Variants in KIF13A observed in about 807,000 individuals in gnomAD.
KIF13A encodes kinesin-like protein KIF13A.
In KIF13A, 79 loss-of-function variants were observed where a neutral mutation model predicts 212.2. That is an observed-to-expected ratio of 0.37 (90% CI 0.31 to 0.45). The LOEUF (loss-of-function observed/expected upper bound fraction) is 0.45, where lower values mean the gene tolerates loss of function less well. KIF13A is among the 20% of genes least tolerant of loss of function. KIF13A has a pLI of 1.00. For synonymous variants in KIF13A, 789 were observed against 808.6 expected, an observed-to-expected ratio of 0.98 and a Z score of 0.41; for missense variants, 1,901 against 2,209.0, an observed-to-expected ratio of 0.86 and a Z score of 2.79.
chr6:17,982,451 T>C lies in KIF13A; in HGVS notation c.146+4603A>G. 1 of 984,214 alleles carries C rather than the reference T, an allele frequency of 1.0e-6. No individual in the cohort carries two copies. The highest frequency in any genetic ancestry group is 1.2e-6 in the Non-Finnish European group (1 of 828,890). The allele number at this position is 984,214 out of a possible 1,614,324, so 61.0% of individuals were successfully genotyped here. A position where few individuals can be genotyped will look rare whatever the true frequency, so the allele number is the denominator to read the frequency against. ...GATGTTCAGACAGGGATACCGCTGG[T>C]GAATAAACTAAAAAATACATACAAA... On this transcript the variant is annotated intron_variant, in intron 2 of 38. Transcript: ENST00000259711. This position sits in a 1 kb window ranked among gnomAD's most constrained non-coding sequence, Gnocchi z 5.1.
intron 4 of KIF13A, among the ~76,000 whole-genome samples, chr6:17,858,102 T>C (rs971393799): frequency 1.7e-4 from 23 of 137,096 alleles, no homozygotes; most frequent in Middle Eastern, 3.7e-3. Flanking sequence ...TGTGTGTGTG[T>C]GTGTGTGTGT....
At chr6:17,802,510 G>A (rs1477389059) in intron 20 of KIF13A, among the ~76,000 whole-genome samples, 1 of 151,900 alleles carries the variant, frequency 6.6e-6, no homozygotes, top group Non-Finnish European at 1.5e-5. Context: ...GGCTGGTCTC[G>A]AACACCGGAC....
intron 2 of KIF13A, among the ~76,000 whole-genome samples, chr6:17,927,044 A>T (rs550386297): frequency 2.1e-4 from 32 of 152,082 alleles, no homozygotes; most frequent in African/African-American, 7.2e-4. Flanking sequence ...GGGGGCTGAG[A>T]TGCAAGAATT....
At chr6:17,983,393 C>G (rs1002413822) in intron 2 of KIF13A, among the ~76,000 whole-genome samples, 2 of 151,694 alleles carry the variant, frequency 1.3e-5, no homozygotes, top group Non-Finnish European at 2.9e-5. Flanking sequence ...GTATGTCACC[C>G]TTTTTAGCAA....
chr6:17,959,964 G>A (rs1050089524), intron 2 of KIF13A, among the ~76,000 whole-genome samples: 8 of 151,854 alleles, frequency 5.3e-5, no homozygotes, highest in Admixed American at 3.9e-4. Flanking sequence ...GGAGGTTGTG[G>A]TGAGCCGAGA....
Position 17,971,439 on chromosome 6 carries a change from T to G in KIF13A, c.146+15615A>C, listed in dbSNP as rs1248385190. On this transcript the variant is annotated intron_variant, in intron 2 of 38. Transcript: ENST00000259711. The surrounding 1 kb of genome is among the most constrained non-coding windows in gnomAD (Gnocchi z 4.2). ...GCGGTTTGTTTTTTTCCTTTTTTTT[T>G]GACACAGGGTCTCACTCTGTCGCCC... Among the ~76,000 whole-genome samples, 1 of 152,146 alleles carries G rather than the reference T, an allele frequency of 6.6e-6. No individual in the cohort carries two copies. Among genetic ancestry groups the G allele is most frequent in the Non-Finnish European group, 1.5e-5 (1 of 68,028 alleles).
intron 4 of KIF13A, among the ~76,000 whole-genome samples, chr6:17,857,981 A>G (rs1768301391): frequency 6.6e-6 from 1 of 152,126 alleles, no homozygotes; most frequent in African/African-American, 2.4e-5. Flanking sequence ...CCCAACACCC[A>G]CATCTATGTG....
intron 2 of KIF13A, among the ~76,000 whole-genome samples, chr6:17,908,664 T>C (rs746032639): frequency 2.0e-5 from 3 of 151,646 alleles, no homozygotes; most frequent in Non-Finnish European, 2.9e-5. Flanking sequence ...CTAATCCTGA[T>C]ATGCCTTCTT....
intron 2 of KIF13A, among the ~76,000 whole-genome samples, chr6:17,903,539 G>C (rs983914765): frequency 2.0e-5 from 3 of 152,090 alleles, no homozygotes; most frequent in Non-Finnish European, 4.4e-5. Context: ...TAAGTTTTAC[G>C]TGACTTTTGA....
intron 2 of KIF13A, among the ~76,000 whole-genome samples, chr6:17,936,840 T>A (rs1011186837): frequency 6.6e-6 from 1 of 152,044 alleles, no homozygotes; most frequent in Non-Finnish European, 1.5e-5. Context: ...TTGCATTCCT[T>A]TGAAAAAAAA....
At chr6:17,823,666 C>A (rs567449033) in intron 16 of KIF13A, among the ~76,000 whole-genome samples, 3 of 151,934 alleles carry the variant, frequency 2.0e-5, no homozygotes, top group South Asian at 4.2e-4. Context: ...CAGGGTTTCA[C>A]CACGTTAGCC....
chr6:17,790,774 A>G (rs1459847568), intron 25 of KIF13A, among the ~76,000 whole-genome samples: 3 of 152,216 alleles, frequency 2.0e-5, no homozygotes, highest in Non-Finnish European at 4.4e-5. Context: ...CTATATACAT[A>G]CAAGGGTCTG....
intron 16 of KIF13A, among the ~76,000 whole-genome samples, chr6:17,823,901 C>A (rs909189733): frequency 1.3e-5 from 2 of 148,844 alleles, no homozygotes; most frequent in African/African-American, 5.0e-5. Flanking sequence ...CCATGCCTGG[C>A]GTTTAATTTA....
intron 4 of KIF13A, among the ~76,000 whole-genome samples, chr6:17,859,698 C>T (rs534811827): frequency 1.0e-4 from 15 of 144,444 alleles, no homozygotes; most frequent in East Asian, 8.1e-4. Context: ...TGCAATGGTG[C>T]GATCTCGGCT....
chr6:17,976,526 C>T (rs1780510926), intron 2 of KIF13A, among the ~76,000 whole-genome samples: 1 of 152,192 alleles, frequency 6.6e-6, no homozygotes, highest in Admixed American at 6.5e-5. Context: ...TCCAGCTGGC[C>T]CGCAAGCGCG....
intron 2 of KIF13A, among the ~76,000 whole-genome samples, chr6:17,927,005 G>A (rs958938726): frequency 5.3e-5 from 8 of 151,988 alleles, no homozygotes; most frequent in Admixed American, 3.3e-4. Flanking sequence ...AGGTGTGGTG[G>A]TGCATGTGAC....
Position 17,834,011 on chromosome 6 carries a change from G to T in KIF13A, c.1216C>A (p.Leu406Ile). 1.9e-6 allele frequency: 3 copies of T among 1,604,428 alleles called. No homozygotes were observed. Among genetic ancestry groups the T allele is most frequent in the Non-Finnish European group, 1.7e-6 (2 of 1,177,934 alleles). ...LEESEKLIKE[L>I]TVTWEEKLRK... Reference sequence around the variant, plus strand: ...AGCTTCTCTTCCCAAGTCACTGTTAGTTCTTTTATCAGCTTTTCAGACTCT... The same window carrying T: ...AGCTTCTCTTCCCAAGTCACTGTTATTTCTTTTATCAGCTTTTCAGACTCT... The change falls in exon 12 of 39, where the codon CTA becomes ATA. Residue 406 changes from leucine (L) to isoleucine (I), a missense_variant. Around this residue, in one of 5 missense-constraint regions of KIF13A, gnomAD observed 506 missense variants for 637.4 expected, o/e 0.79. Transcript: ENST00000259711. This position sits in a 1 kb window ranked among gnomAD's most constrained non-coding sequence, Gnocchi z 4.0.
chr6:17,846,532 C>T (rs58163091), intron 9 of KIF13A, among the ~76,000 whole-genome samples: 7,128 of 148,308 alleles, frequency 0.048, 592 homozygotes, highest in African/African-American at 0.17. Context: ...CTTTGGGAGG[C>T]CAAGATGGGA....
chr6:17,982,409 G>C lies in KIF13A; in HGVS notation c.146+4645C>G. On this transcript the variant is annotated intron_variant, in intron 2 of 38. Coordinates refer to ENST00000259711, the MANE Select transcript of KIF13A (RefSeq NM_022113.6). This position sits in a 1 kb window ranked among gnomAD's most constrained non-coding sequence, Gnocchi z 5.1. Reference sequence around the variant, plus strand: ...CACTGTGTCTGGCCCCCAGGATTTGGAGCATTTTAGATTTCAGATGTTCAG... The same window carrying C: ...CACTGTGTCTGGCCCCCAGGATTTGCAGCATTTTAGATTTCAGATGTTCAG... 3.0e-6 allele frequency: 3 copies of C among 983,842 alleles called. No homozygotes were observed. Among genetic ancestry groups the C allele is most frequent in the Non-Finnish European group, 3.6e-6 (3 of 828,614 alleles). 60.9% of individuals were successfully genotyped at this position (983,842 alleles called of 1,614,324 possible).
Sources: gnomAD v4.1 joint callset for allele counts (sites outside exome capture counted in the v4.1 genomes callset) on GRCh38, gnomAD v4.1.1 for gene constraint, gnomAD v4.1.1 regional missense constraint, Gnocchi (gnomAD v3.1) non-coding constraint, MANE v1.5 for transcripts, NCBI Gene and HGNC (gene_info 2026-07-23, HGNC 2026-07-21) for gene names.